The following AGBL1 variants were observed in gnomAD, a reference collection of about 807,000 sequenced individuals.
AGBL1 encodes AGBL carboxypeptidase 1.
Under a neutral mutation model 118.9 loss-of-function variants are expected in AGBL1, and 130 were observed. The observed-to-expected ratio is 1.09, with a 90% CI of 0.95 to 1.26. The LOEUF (loss-of-function observed/expected upper bound fraction) is 1.26, where lower values mean the gene tolerates loss of function less well. AGBL1 is among the 50% of genes most tolerant of loss of function. The pLI is 0.00. For missense variants in AGBL1, 1,584 were observed against 1,298.1 expected (o/e 1.22, Z -3.38); for synonymous variants, 555 against 478.9 (o/e 1.16, Z -2.08).
intron 17 of AGBL1, among the ~76,000 whole-genome samples, chr15:86,384,665 A>G (rs2081158920): frequency 6.6e-6 from 1 of 152,182 alleles, no homozygotes; most frequent in Non-Finnish European, 1.5e-5. Flanking sequence ...TAAAATTGTT[A>G]TCTCAGCCTC....
At position 86,907,145 on chromosome 15, in the gene AGBL1, G is replaced by A. The variant is rs1028064411; in HGVS notation, c.3217G>A (p.Glu1073Lys). The A allele has an allele frequency of 1.3e-5, 2 of 152,264 alleles. No homozygotes were observed. Among genetic ancestry groups the A allele is most frequent in the African/African-American group, 2.4e-5 (1 of 41,426 alleles). The allele number at this position is 152,264 out of a possible 1,614,324, so 9.4% of individuals were successfully genotyped here. The part of the protein sequence containing the change: ...SELEDEPACL[E>K]EIDYSTDNSS... ...ACTGGAGGATGAACCTGCCTGCTTG[G>A]AGGAGATTGATTACAGTACCGACAA... Residue 1073 changes from glutamate (E) to lysine (K), a missense_variant, in exon 23 of 23, where the codon GAG becomes AAG. By Grantham distance (56) the Glu-to-Lys change is moderately conservative. Coordinates refer to ENST00000614907, the MANE Select transcript of AGBL1 (RefSeq NM_001386094.1).
intron 17 of AGBL1, among the ~76,000 whole-genome samples, chr15:86,341,384 C>G (rs2080459388): frequency 1.4e-5 from 1 of 73,976 alleles, no homozygotes; most frequent in Non-Finnish European, 3.8e-5. Flanking sequence ...GGAGGCAAAA[C>G]AAGAACAACC....
intron 5 of AGBL1, among the ~76,000 whole-genome samples, chr15:86,170,731 A>T (rs988904022): frequency 6.6e-6 from 1 of 152,070 alleles, no homozygotes; most frequent in Non-Finnish European, 1.5e-5. Flanking sequence ...CTGTAATCCC[A>T]GCTACTCAGG....
chr15:86,397,507 T>A lies in AGBL1; in HGVS notation c.2516T>A (p.Ile839Asn). The A allele has an allele frequency of 6.2e-7, 1 of 1,612,660 alleles. No individual in the cohort carries two copies. The highest frequency in any genetic ancestry group is 1.3e-5 in the African/African-American group (1 of 74,944). ...TTGAGGGAAAACTTCATCTTCAAGA[T>A]CATACCCATGCTCAACCCAGATGGT... ...RLLRENFIFK[I>N]IPMLNPDGVI... Residue 839 changes from isoleucine (I) to asparagine (N), a missense_variant, in exon 18 of 23, where the codon ATC becomes AAC. Coordinates refer to ENST00000614907, the MANE Select transcript of AGBL1 (RefSeq NM_001386094.1).
At chr15:86,234,145 G>C (rs2078499790) in intron 6 of AGBL1, among the ~76,000 whole-genome samples, 2 of 151,992 alleles carry the variant, frequency 1.3e-5, no homozygotes, top group African/African-American at 2.4e-5. Flanking sequence ...TCTGCTTGTA[G>C]GTTTCAGCCA....
At chr15:86,247,950 A>G (rs2078748664) in intron 7 of AGBL1, 71 bp downstream of exon 7, 9 of 1,542,240 alleles carry the variant, frequency 5.8e-6, no homozygotes, top group African/African-American at 5.4e-5. Flanking sequence ...TCATTTAGGA[A>G]TCATCCCAGA....
chr15:86,829,974 A>C (rs562685988), intron 22 of AGBL1, among the ~76,000 whole-genome samples: 1 of 152,116 alleles, frequency 6.6e-6, no homozygotes, highest in Admixed American at 6.6e-5. Flanking sequence ...ACACACCCCC[A>C]GGAGGGTATT....
chr15:86,734,573 T>C (rs568871547), intron 22 of AGBL1, among the ~76,000 whole-genome samples: 1 of 152,270 alleles, frequency 6.6e-6, no homozygotes, highest in South Asian at 2.1e-4. Context: ...GCATACATCC[T>C]TCATGCTGGT....
At chr15:86,858,463 GGTGTGTGTGTGTGTGT>G (rs3059715) in intron 22 of AGBL1, among the ~76,000 whole-genome samples, 34 of 147,090 alleles carry the variant, frequency 2.3e-4, no homozygotes, top group African/African-American at 8.5e-4. Context: ...CCTTTCAGGT[GGTGTGTGTGTGTGTGT>G]GTGTGTGTGT....
At chr15:86,774,384 T>C (rs898427693) in intron 22 of AGBL1, among the ~76,000 whole-genome samples, 3 of 152,168 alleles carry the variant, frequency 2.0e-5, no homozygotes, top group East Asian at 1.9e-4. Context: ...GGTTGGGACA[T>C]AGAAAAAGGA....
chr15:86,509,945 C>CTTT (rs2083032870), intron 18 of AGBL1, among the ~76,000 whole-genome samples: 2 of 89,792 alleles, frequency 2.2e-5, no homozygotes, highest in Admixed American at 9.9e-5. Flanking sequence ...GGCTGAAGCT[C>CTTT]ATTTTTTTTT....
chr15:86,237,121 A>G (rs1398899151), intron 6 of AGBL1, among the ~76,000 whole-genome samples: 1 of 152,114 alleles, frequency 6.6e-6, no homozygotes, highest in Non-Finnish European at 1.5e-5. Context: ...AACGTTCTGG[A>G]GCTACTTTAA....
intron 22 of AGBL1, among the ~76,000 whole-genome samples, chr15:86,834,738 A>G (rs773354042): frequency 5.3e-5 from 8 of 152,242 alleles, no homozygotes; most frequent in South Asian, 2.1e-4. Flanking sequence ...ATACAACCCA[A>G]TAGAACTTGT....
In AGBL1 at chr15:86,522,824, T is replaced by C. The variant is rs1242689121; in HGVS notation, c.2570T>C (p.Leu857Pro). The change falls in exon 19 of 23, where the codon CTG becomes CCG. Residue 857 changes from leucine to proline, a missense_variant. By Grantham distance (98) the Leu-to-Pro change is moderately conservative. Coordinates refer to ENST00000614907, the MANE Select transcript of AGBL1 (RefSeq NM_001386094.1). ...GVINGNHRCS[L>P]SGEDLNRQWL... is the part of the protein sequence containing the mutation. ...TGTTCCTGTAGCCACAGATGCTCACTGAGCGGGGAAGATTTGAACAGACAA... is the reference window on the plus strand; with the variant it reads ...TGTTCCTGTAGCCACAGATGCTCACCGAGCGGGGAAGATTTGAACAGACAA... The C allele has an allele frequency of 1.2e-6, 2 of 1,613,762 alleles. No individual in the cohort carries two copies. The highest frequency in any genetic ancestry group is 4.5e-5 in the East Asian group (2 of 44,866).
At chr15:86,496,264 C>A (rs1256905812) in intron 18 of AGBL1, among the ~76,000 whole-genome samples, 3 of 152,018 alleles carry the variant, frequency 2.0e-5, no homozygotes, top group Non-Finnish European at 4.4e-5. Flanking sequence ...GAAGAAAGTA[C>A]CTGCTTCCCT....
chr15:86,654,332 A>G (rs1400033785), intron 21 of AGBL1, among the ~76,000 whole-genome samples: 3 of 152,108 alleles, frequency 2.0e-5, no homozygotes, highest in Non-Finnish European at 4.4e-5. Context: ...TATAATAAAG[A>G]CTTATTTTGA....
intron 23 of AGBL1, among the ~76,000 whole-genome samples, chr15:86,973,359 T>C (rs2141707034): frequency 6.6e-6 from 1 of 152,168 alleles, no homozygotes; most frequent in Admixed American, 6.6e-5. Flanking sequence ...TTGAAGCTTC[T>C]TGATGGTGAG....
intron 5 of AGBL1, among the ~76,000 whole-genome samples, chr15:86,217,366 T>C (rs1040940357): frequency 2.6e-5 from 4 of 152,316 alleles, no homozygotes; most frequent in African/African-American, 4.8e-5. Flanking sequence ...AAACATTTGA[T>C]GGTTATCTGT....
chr15:86,976,223 T>G lies in AGBL1; in HGVS notation c.3222-11764T>G, dbSNP rs906795003. ...AAGAAATTATAATTTATTCTAGTAA[T>G]ATATATGCTTATATATCTGTAGTAT... is the stretch of plus-strand genomic sequence containing the variant. On this transcript the variant is annotated intron_variant, in intron 23 of 24. Transcript: ENST00000441037. 4.7e-5 allele frequency among the ~76,000 whole-genome samples: 7 copies of G among 150,412 alleles called. No individual in the cohort carries two copies. In the East Asian group the frequency reaches 1.4e-3, roughly 29 times the overall value.
Sources: gnomAD v4.1 joint callset for allele counts (sites outside exome capture counted in the v4.1 genomes callset) on GRCh38, gnomAD v4.1.1 for gene constraint, MANE v1.5 for transcripts, NCBI Gene and HGNC (gene_info 2026-07-23, HGNC 2026-07-21) for gene names.